CNTNAP5: variants seen among roughly 807,000 people sequenced by gnomAD.
The protein encoded by CNTNAP5 is contactin-associated protein-like 5.
CNTNAP5 carries 72 observed loss-of-function variants against 150.2 expected under a neutral mutation model. The observed-to-expected ratio is 0.48, with a 90% CI of 0.40 to 0.58. CNTNAP5 has a LOEUF of 0.58. CNTNAP5 is among the 20% of genes least tolerant of loss of function. The pLI is 0.00. For missense variants in CNTNAP5, 1,636 were observed against 1,626.2 expected (o/e 1.01, Z -0.10); for synonymous variants, 672 against 619.8 (o/e 1.08, Z -1.25).
intron 3 of CNTNAP5, among the ~76,000 whole-genome samples, chr2:124,276,501 A>C (rs888422976): frequency 8.5e-5 from 13 of 152,302 alleles, no homozygotes; most frequent in Admixed American, 2.0e-4. Flanking sequence ...AGTAGATTTC[A>C]AAATATTAAT....
intron 1 of CNTNAP5, among the ~76,000 whole-genome samples, chr2:124,075,931 T>C (rs745908012): frequency 2.0e-5 from 3 of 152,174 alleles, no homozygotes; most frequent in Admixed American, 6.6e-5. Context: ...GGCTTTGTCA[T>C]TTACCTAAAC....
intron 3 of CNTNAP5, among the ~76,000 whole-genome samples, chr2:124,251,608 C>A (rs1428309616): frequency 6.6e-6 from 1 of 151,778 alleles, no homozygotes; most frequent in Non-Finnish European, 1.5e-5. Context: ...TCTGCAGGTA[C>A]TAAATTAAGG....
intron 13 of CNTNAP5, among the ~76,000 whole-genome samples, chr2:124,663,145 AT>A (rs537222392): frequency 1.6e-3 from 249 of 152,326 alleles, no homozygotes; most frequent in African/African-American, 5.7e-3. Context: ...ATGTGACCCT[AT>A]CTGTAACTGT....
chr2:124,637,048 C>G (rs760173825), intron 12 of CNTNAP5, among the ~76,000 whole-genome samples: 9 of 152,066 alleles, frequency 5.9e-5, no homozygotes, highest in Non-Finnish European at 7.4e-5. Flanking sequence ...TCTATGTAAC[C>G]AGACATAAGA....
chr2:124,423,533 A>AT (rs1445266848), intron 4 of CNTNAP5, among the ~76,000 whole-genome samples: 1 of 146,870 alleles, frequency 6.8e-6, no homozygotes, highest in African/African-American at 2.5e-5. Flanking sequence ...TATTTTTTGT[A>AT]TTTTTTAGTA....
chr2:124,446,029 G>A (rs1194876638), intron 5 of CNTNAP5, among the ~76,000 whole-genome samples: 1 of 151,978 alleles, frequency 6.6e-6, no homozygotes, highest in Non-Finnish European at 1.5e-5. Flanking sequence ...CTTCTCAAAG[G>A]GGTCTTCCAA....
At chr2:124,323,473 G>T (rs1225483109) in intron 3 of CNTNAP5, among the ~76,000 whole-genome samples, 1 of 152,158 alleles carries the variant, frequency 6.6e-6, no homozygotes, top group Non-Finnish European at 1.5e-5. Flanking sequence ...AGCTGTGCAA[G>T]GGAATCAAGT....
intron 4 of CNTNAP5, among the ~76,000 whole-genome samples, chr2:124,428,914 C>T (rs187397407): frequency 2.6e-5 from 4 of 152,216 alleles, no homozygotes; most frequent in Admixed American, 2.6e-4. Context: ...TCACACATTT[C>T]CCATCTGCCA....
At chr2:124,304,805 TG>T (rs1688642652) in intron 3 of CNTNAP5, among the ~76,000 whole-genome samples, 1 of 152,150 alleles carries the variant, frequency 6.6e-6, no homozygotes, top group Admixed American at 6.5e-5. Context: ...TCTTTGAAGA[TG>T]ACCTCATTCA....
At chr2:124,361,401 C>G (rs1325038147) in intron 3 of CNTNAP5, among the ~76,000 whole-genome samples, 1 of 143,672 alleles carries the variant, frequency 7.0e-6, no homozygotes, top group African/African-American at 2.6e-5. Context: ...TTTAGAGTTT[C>G]CAGATTTTCT....
Position 124,713,289 on chromosome 2 carries a change from CTT to C in CNTNAP5, c.2078-33938_2078-33937del, listed in dbSNP as rs1218386902. On this transcript the variant is annotated intron_variant, in intron 13 of 23. Transcript: ENST00000682447. Reference sequence around the variant, plus strand: ...TCTTTCTTTCTTTCTTTCTTTCTTTCTTTCTTTCTTTCTTCTTTCTCTTTCTT... The same window carrying C: ...TCTTTCTTTCTTTCTTTCTTTCTTTCTCTTTCTTTCTTCTTTCTCTTTCTT... 2.8e-3 allele frequency among the ~76,000 whole-genome samples: 286 copies of C among 102,628 alleles called. 5 individuals carry two copies. The highest frequency in any genetic ancestry group is 4.7e-3 in the South Asian group (13 of 2,760). 67.3% of individuals were successfully genotyped at this position (102,628 alleles called of 152,430 possible). A position where few individuals can be genotyped will look rare whatever the true frequency, so the allele number is the denominator to read the frequency against.
intron 3 of CNTNAP5, among the ~76,000 whole-genome samples, chr2:124,368,101 C>T (rs1355747174): frequency 1.3e-5 from 2 of 152,110 alleles, no homozygotes; most frequent in African/African-American, 4.8e-5. Flanking sequence ...CACACTAGCC[C>T]ATGCGTTAGC....
intron 12 of CNTNAP5, among the ~76,000 whole-genome samples, chr2:124,614,070 T>A (rs1677445353): frequency 6.6e-6 from 1 of 152,174 alleles, no homozygotes. Context: ...ACAATTTTTT[T>A]AAGTGATTTA....
intron 3 of CNTNAP5, among the ~76,000 whole-genome samples, chr2:124,343,661 T>C (rs1003332488): frequency 5.1e-4 from 78 of 152,152 alleles, no homozygotes; most frequent in African/African-American, 1.9e-3. Flanking sequence ...AGACTCAGTT[T>C]TCCTAAGTAA....
At chr2:124,556,866 T>A (rs1201471755) in intron 10 of CNTNAP5, among the ~76,000 whole-genome samples, 1 of 151,922 alleles carries the variant, frequency 6.6e-6, no homozygotes, top group East Asian at 1.9e-4. Flanking sequence ...GATCAGAAAG[T>A]CAGGTTTGGT....
At chr2:124,687,806 T>C (rs1422640803) in intron 13 of CNTNAP5, among the ~76,000 whole-genome samples, 1 of 152,168 alleles carries the variant, frequency 6.6e-6, no homozygotes, top group African/African-American at 2.4e-5. Flanking sequence ...ACCATGTACA[T>C]AAAATTAGGG....
intron 13 of CNTNAP5, among the ~76,000 whole-genome samples, chr2:124,672,389 T>C (rs111920414): frequency 3.3e-5 from 5 of 152,068 alleles, no homozygotes; most frequent in Non-Finnish European, 7.4e-5. Context: ...AGTGAAAAAA[T>C]ATGCAGGAGG....
intron 1 of CNTNAP5, among the ~76,000 whole-genome samples, chr2:124,145,908 A>G (rs1347744775): frequency 6.6e-6 from 1 of 151,466 alleles, no homozygotes; most frequent in African/African-American, 2.4e-5. Context: ...AATGTGATAC[A>G]TGTTGATAGT....
intron 21 of CNTNAP5, among the ~76,000 whole-genome samples, chr2:124,887,225 G>A (rs896857092): frequency 1.3e-5 from 2 of 152,004 alleles, no homozygotes; most frequent in Non-Finnish European, 2.9e-5. Context: ...GTCTTTGAAG[G>A]CAGGAACATT....
Sources: gnomAD v4.1 joint callset for allele counts (sites outside exome capture counted in the v4.1 genomes callset) on GRCh38, gnomAD v4.1.1 for gene constraint, MANE v1.5 for transcripts, NCBI Gene and HGNC (gene_info 2026-07-23, HGNC 2026-07-21) for gene names.